The following GNL2 variants were observed in gnomAD, a reference collection of about 807,000 sequenced individuals.
GNL2 encodes the protein G protein nucleolar 2, also known as nucleolar GTP-binding protein 2.
In GNL2, 51 loss-of-function variants were observed where a neutral mutation model predicts 92.3. That is an observed-to-expected ratio of 0.55 (90% CI 0.44 to 0.70). GNL2 has a LOEUF of 0.70. GNL2 is among the 30% of genes least tolerant of loss of function. The pLI is 0.00. For synonymous variants in GNL2, 283 were observed against 300.6 expected (o/e 0.94, Z 0.61); for missense variants, 844 against 895.6 (o/e 0.94, Z 0.74).
intron 15 of GNL2, 32 bp downstream of exon 15, chr1:37,567,641 C>T: frequency 7.2e-7 from 1 of 1,385,022 alleles, no homozygotes; most frequent in Non-Finnish European, 1.0e-6. Flanking sequence ...AGTTACTCTA[C>T]TTGGGCCATA....
Position 37,575,704 on chromosome 1 carries a change from AGTC to A in GNL2, c.1039-8_1039-6del. ...CAAAGTAATATACTGCCAGACCTGA[AGTC>A]AGAAAAAAGTCAGAGATGTCCTGTA... On this transcript the variant is annotated splice_region_variant and splice_polypyrimidine_tract_variant and intron_variant, in intron 9 of 15. Coordinates refer to ENST00000373062, the MANE Select transcript of GNL2 (RefSeq NM_013285.3). The surrounding 1 kb of genome is among the most constrained non-coding windows in gnomAD (Gnocchi z 4.1). 2 of 1,578,996 alleles carry A rather than the reference AGTC, an allele frequency of 1.3e-6. No homozygotes were observed. Among genetic ancestry groups the A allele is most frequent in the Non-Finnish European group, 1.7e-6 (2 of 1,161,098 alleles).
intron 5 of GNL2, among the ~76,000 whole-genome samples, chr1:37,585,944 T>C (rs920370208): frequency 2.0e-5 from 3 of 152,252 alleles, no homozygotes; most frequent in African/African-American, 7.2e-5. Context: ...CAGCTGCCTA[T>C]CAAAAAGCAT....
intron 7 of GNL2, 78 bp downstream of exon 7, chr1:37,582,700 A>T: frequency 2.6e-6 from 3 of 1,169,496 alleles, no homozygotes; most frequent in Non-Finnish European, 3.7e-6. Context: ...GCCGGACAAC[A>T]CTTTAGCCTA....
intron 12 of GNL2, chr1:37,569,638 G>A: frequency 8.7e-6 from 2 of 230,306 alleles, no homozygotes; most frequent in South Asian, 7.5e-5. Context: ...TGCAAAATCA[G>A]CACACACAAC....
chr1:37,593,764 G>A lies in GNL2; in HGVS notation c.147C>T (p.Arg49=). The change falls in exon 2 of 16, where the codon CGC becomes CGT. Residue 49 remains arginine, a splice_region_variant and synonymous_variant. Coordinates refer to ENST00000373062, the MANE Select transcript of GNL2 (RefSeq NM_013285.3). ...GGATGACAGCACCCAGTGCTCACCT[G>A]CGCTCCTTTTGCCTATACATATTCA... is the stretch of plus-strand genomic sequence containing the variant. The part of the protein sequence containing the change: ...RRLNMYRQKE[R]RNSRGKIIKP... The A allele has an allele frequency of 6.2e-7, 1 of 1,611,486 alleles. No individual in the cohort carries two copies. The highest frequency in any genetic ancestry group is 1.1e-5 in the South Asian group (1 of 91,020).
At chr1:37,568,546 G>T (rs1643543717) in intron 13 of GNL2, 189 bp from the exon 14 acceptor site, 3 of 603,678 alleles carry the variant, frequency 5.0e-6, no homozygotes, top group Admixed American at 3.1e-5. Flanking sequence ...TCATACTGCA[G>T]GCAGCTGAAT....
intron 4 of GNL2, among the ~76,000 whole-genome samples, chr1:37,589,058 G>T (rs1422531761): frequency 6.6e-6 from 1 of 152,196 alleles, no homozygotes; most frequent in Non-Finnish European, 1.5e-5. Context: ...TCATAAACAG[G>T]ATTCAATAGT....
chr1:37,586,907 G>C (rs1053235433), intron 5 of GNL2, among the ~76,000 whole-genome samples: 1 of 152,128 alleles, frequency 6.6e-6, no homozygotes, highest in Non-Finnish European at 1.5e-5. Context: ...CTTCACACAG[G>C]CAAAATAAGT....
intron 12 of GNL2, 66 bp from the exon 13 acceptor site, chr1:37,569,368 C>T (rs762263651): frequency 9.1e-6 from 10 of 1,096,208 alleles, no homozygotes; most frequent in Non-Finnish European, 1.2e-5. Context: ...TTTCTGAACT[C>T]ATATCTTGCT....
chr1:37,584,648 G>A (rs190386741), intron 5 of GNL2, among the ~76,000 whole-genome samples: 39 of 152,216 alleles, frequency 2.6e-4, no homozygotes, highest in African/African-American at 9.4e-4. Context: ...CCAGGGGCTG[G>A]GGGAGAGGGG....
At chr1:37,567,571 G>T in intron 15 of GNL2, 102 bp downstream of exon 15, 1 of 827,102 alleles carries the variant, frequency 1.2e-6, no homozygotes, top group Non-Finnish European at 2.1e-6. Flanking sequence ...ACGAGGACTG[G>T]GGTTCTTGGG....
chr1:37,576,910 G>A (rs1480465955), intron 8 of GNL2, among the ~76,000 whole-genome samples: 4 of 152,120 alleles, frequency 2.6e-5, no homozygotes, highest in Non-Finnish European at 4.4e-5. Context: ...TCAGGGGTTC[G>A]AGACCAGCCT....
chr1:37,583,864 T>C lies in GNL2; in HGVS notation c.636+3A>G. Reference sequence around the variant, plus strand: ...TCAATGGGAGAGAATTTAGGAGTCTTACCTTGTAGAGCTCACCCCATATTC... The same window carrying C: ...TCAATGGGAGAGAATTTAGGAGTCTCACCTTGTAGAGCTCACCCCATATTC... On this transcript the variant is annotated splice_donor_region_variant and intron_variant, in intron 6 of 15. Transcript: ENST00000373062. 6.5e-7 allele frequency: 1 copy of C among 1,526,870 alleles called. No individual in the cohort carries two copies. Among genetic ancestry groups the C allele is most frequent in the African/African-American group, 1.4e-5 (1 of 73,630 alleles). 94.6% of individuals were successfully genotyped at this position (1,526,870 alleles called of 1,614,324 possible). A position where few individuals can be genotyped will look rare whatever the true frequency, so the allele number is the denominator to read the frequency against.
Position 37,576,500 on chromosome 1 carries a change from G to A in GNL2, c.966C>T (p.Gly322=). Reference sequence around the variant, plus strand: ...GCAATGTATTTATCACAGAGCTCTTGCCAACATTTGGATAGCCAATGAACC... The same window carrying A: ...GCAATGTATTTATCACAGAGCTCTTACCAACATTTGGATAGCCAATGAACC... ...SVGFIGYPNV[G]KSSVINTLRS... Residue 322 remains glycine, a synonymous_variant, in exon 9 of 16, where the codon GGC becomes GGT. Transcript: ENST00000373062. The A allele has an allele frequency of 6.2e-7, 1 of 1,613,968 alleles. No homozygotes were observed. Among genetic ancestry groups the A allele is most frequent in the Non-Finnish European group, 8.5e-7 (1 of 1,179,832 alleles).
At chr1:37,573,143 G>A (rs1643620309) in intron 12 of GNL2, among the ~76,000 whole-genome samples, 1 of 152,220 alleles carries the variant, frequency 6.6e-6, no homozygotes, top group African/African-American at 2.4e-5. Flanking sequence ...CATGAAGAGG[G>A]AGAGAAATTT....
chr1:37,573,509 C>T (rs571344261), intron 12 of GNL2, among the ~76,000 whole-genome samples: 6 of 152,332 alleles, frequency 3.9e-5, no homozygotes, highest in Admixed American at 1.3e-4. Flanking sequence ...CTTCTTTCTC[C>T]GACTATCAGT....
At chr1:37,580,503 C>G (rs1239070659) in intron 8 of GNL2, among the ~76,000 whole-genome samples, 1 of 152,182 alleles carries the variant, frequency 6.6e-6, no homozygotes, top group Non-Finnish European at 1.5e-5. Flanking sequence ...TCTCAGGAAA[C>G]TTTTGGAAAA....
At position 37,593,833 on chromosome 1, in the gene GNL2, T is replaced by G; in HGVS notation, c.78A>C (p.Gly26=). ...GGTCCCTCATGTTTTGGCCTCCTGC[T>G]CCCTGCACTCGATCTACAAAAGGCA... ...KASTNPDRVQ[G]AGGQNMRDRA... is the part of the protein sequence containing the mutation. The change falls in exon 2 of 16, where the codon GGA becomes GGC. Residue 26 remains glycine, a synonymous_variant. Coordinates refer to ENST00000373062, the MANE Select transcript of GNL2 (RefSeq NM_013285.3). 3 of 1,613,190 alleles carry G rather than the reference T, an allele frequency of 1.9e-6. No individual in the cohort carries two copies. Among genetic ancestry groups the G allele is most frequent in the Non-Finnish European group, 2.5e-6 (3 of 1,179,416 alleles).
intron 1 of GNL2, 42 bp downstream of exon 1, chr1:37,595,717 C>T (rs752582596): frequency 1.0e-5 from 16 of 1,574,700 alleles, no homozygotes; most frequent in African/African-American, 2.7e-5. Flanking sequence ...CTTCCCTATA[C>T]TTCCTCCAAG....
Sources: allele counts gnomAD v4.1 joint callset (sites outside exome capture counted in the v4.1 genomes callset), GRCh38; gene constraint gnomAD v4.1.1; non-coding constraint Gnocchi (gnomAD v3.1); transcripts MANE v1.5; gene names NCBI Gene and HGNC (gene_info 2026-07-23, HGNC 2026-07-21).